The following KCNJ6 variants were observed in gnomAD, a reference collection of about 807,000 sequenced individuals.
KCNJ6 encodes the protein G protein-activated inward rectifier potassium channel 2.
Under a neutral mutation model 34.2 loss-of-function variants are expected in KCNJ6, and 9 were observed. The observed-to-expected ratio is 0.26, with a 90% CI of 0.16 to 0.46. The LOEUF is 0.46. KCNJ6 is among the 20% of genes least tolerant of loss of function. The pLI is 1.00. For missense variants in KCNJ6, 236 were observed against 531.3 expected, an observed-to-expected ratio of 0.44 and a Z score of 5.46; for synonymous variants, 196 against 207.1, an observed-to-expected ratio of 0.95 and a Z score of 0.46.
rs144725202 is a variant in KCNJ6, at chr21:37,677,133, C to T, written c.946+37078G>A. On this transcript the variant is annotated intron_variant, in intron 3 of 3. Coordinates refer to ENST00000609713, the MANE Select transcript of KCNJ6 (RefSeq NM_002240.5). ...GATGCTGGCAGTGCCCACCACTCTG[C>T]TGGCCTTGGACTGCAGGACTGGTCC... Among the ~76,000 whole-genome samples the T allele has an allele frequency of 8.1e-4, 124 of 152,366 alleles. 2 individuals carry two copies. Among genetic ancestry groups the T allele is most frequent in the East Asian group, 1.2e-3 (6 of 5,186 alleles).
At chr21:37,766,530 T>G (rs1295317608) in intron 2 of KCNJ6, among the ~76,000 whole-genome samples, 2 of 152,122 alleles carry the variant, frequency 1.3e-5, no homozygotes, top group African/African-American at 2.4e-5. Flanking sequence ...TAAATTTGGA[T>G]AGCAGGAATG....
intron 1 of KCNJ6, among the ~76,000 whole-genome samples, chr21:37,882,748 C>T (rs922774746): frequency 6.6e-6 from 1 of 152,226 alleles, no homozygotes; most frequent in African/African-American, 2.4e-5. Flanking sequence ...CCTATTGCTA[C>T]TAAATCGACT....
chr21:37,840,071 T>G (rs2055472565), intron 2 of KCNJ6, among the ~76,000 whole-genome samples: 1 of 152,228 alleles, frequency 6.6e-6, no homozygotes, highest in African/African-American at 2.4e-5. Flanking sequence ...AGTGCTGGGA[T>G]TACAGGCATG....
chr21:37,830,292 A>C (rs1316860082), intron 2 of KCNJ6, among the ~76,000 whole-genome samples: 1 of 152,082 alleles, frequency 6.6e-6, no homozygotes, highest in Non-Finnish European at 1.5e-5. Flanking sequence ...TAGCCTGGAG[A>C]CCACAGGCCT....
At chr21:37,752,164 G>T (rs1405380562) in intron 2 of KCNJ6, among the ~76,000 whole-genome samples, 1 of 152,176 alleles carries the variant, frequency 6.6e-6, no homozygotes, top group East Asian at 1.9e-4. Flanking sequence ...AGCACTGTAG[G>T]TCAAGGCGGG....
intron 1 of KCNJ6, among the ~76,000 whole-genome samples, chr21:37,842,246 C>A (rs1239290358): frequency 6.6e-6 from 1 of 152,196 alleles, no homozygotes; most frequent in African/African-American, 2.4e-5. Context: ...CCTCTGCCAT[C>A]GACATTTTCG....
chr21:37,761,590 TTG>T (rs996271274), intron 2 of KCNJ6, among the ~76,000 whole-genome samples: 9 of 150,210 alleles, frequency 6.0e-5, no homozygotes, highest in East Asian at 1.9e-4. Context: ...GTGTGTATAT[TTG>T]TGTGTGTTGT....
chr21:37,757,886 T>C (rs538997725), intron 2 of KCNJ6, among the ~76,000 whole-genome samples: 8 of 152,372 alleles, frequency 5.3e-5, no homozygotes, highest in African/African-American at 1.9e-4. Flanking sequence ...CCTTAGCAAA[T>C]GATTCCTAAT....
At chr21:37,751,656 G>A (rs997397422) in intron 2 of KCNJ6, among the ~76,000 whole-genome samples, 3 of 152,188 alleles carry the variant, frequency 2.0e-5, no homozygotes, top group African/African-American at 7.2e-5. Flanking sequence ...TGGTATCACA[G>A]GAGGGTCCTG....
At chr21:37,904,700 T>G (rs1368780917) in intron 1 of KCNJ6, among the ~76,000 whole-genome samples, 1 of 152,184 alleles carries the variant, frequency 6.6e-6, no homozygotes, top group African/African-American at 2.4e-5. Context: ...GAGTTTTACT[T>G]CATGGGCAGA....
In KCNJ6 at chr21:37,829,151, G is replaced by A. The variant is rs1405295661; in HGVS notation, c.25+11507C>T. 2.7e-5 allele frequency among the ~76,000 whole-genome samples: 4 copies of A among 145,612 alleles called. No homozygotes were observed. The East Asian group carries it at 9.1e-4, about 33-fold the overall frequency. ...GAAGTGGGAGTGGCGGGAGGTGGGGGATGGAGCCTGAACCAGGGGTGGAGG... is the reference window on the plus strand; with the variant it reads ...GAAGTGGGAGTGGCGGGAGGTGGGGAATGGAGCCTGAACCAGGGGTGGAGG... On this transcript the variant is annotated intron_variant, in intron 2 of 3. Coordinates refer to ENST00000609713, the MANE Select transcript of KCNJ6 (RefSeq NM_002240.5).
At chr21:37,730,213 G>A (rs1002122798) in intron 2 of KCNJ6, among the ~76,000 whole-genome samples, 4 of 152,198 alleles carry the variant, frequency 2.6e-5, no homozygotes, top group East Asian at 1.9e-4. Context: ...CAAGGGACCC[G>A]CAGCCTTAAG....
chr21:37,658,974 T>C (rs2054476296), intron 3 of KCNJ6, among the ~76,000 whole-genome samples: 1 of 152,248 alleles, frequency 6.6e-6, no homozygotes, highest in African/African-American at 2.4e-5. Flanking sequence ...TTGTTTTCAG[T>C]GTTTACATTA....
chr21:37,807,124 C>T (rs779649632), intron 2 of KCNJ6, among the ~76,000 whole-genome samples: 3 of 152,144 alleles, frequency 2.0e-5, no homozygotes, highest in Admixed American at 6.5e-5. Flanking sequence ...AGTTGCTAAC[C>T]TATTTGAGCA....
intron 2 of KCNJ6, among the ~76,000 whole-genome samples, chr21:37,735,789 C>T (rs1191789369): frequency 6.6e-6 from 1 of 152,198 alleles, no homozygotes; most frequent in East Asian, 1.9e-4. Flanking sequence ...GCTCCCACCT[C>T]TACGGCAGCT....
rs2054282387 is a variant in KCNJ6 at position 37,619,109 on chromosome 21, C to T, written c.*6050G>A. On this transcript the variant is annotated 3_prime_UTR_variant, in exon 4 of 4. Coordinates refer to ENST00000609713, the MANE Select transcript of KCNJ6 (RefSeq NM_002240.5). Reference sequence around the variant, plus strand: ...ATCTGTCGACAATATAACAACATCACAATGATTTGTTACATTGTTACTTTT... The same window carrying T: ...ATCTGTCGACAATATAACAACATCATAATGATTTGTTACATTGTTACTTTT... 1 of 152,184 alleles carries T rather than the reference C, an allele frequency of 6.6e-6. No individual in the cohort carries two copies. Among genetic ancestry groups the T allele is most frequent in the Admixed American group, 6.5e-5 (1 of 15,272 alleles). The allele number at this position is 152,184 out of a possible 1,614,324, so 9.4% of individuals were successfully genotyped here.
At chr21:37,644,871 G>C (rs910198422) in intron 3 of KCNJ6, among the ~76,000 whole-genome samples, 1 of 152,126 alleles carries the variant, frequency 6.6e-6, no homozygotes, top group South Asian at 2.1e-4. Context: ...AGGGAGACTG[G>C]CGAAACAATA....
At chr21:37,748,318 G>A (rs777201309) in intron 2 of KCNJ6, among the ~76,000 whole-genome samples, 1 of 152,212 alleles carries the variant, frequency 6.6e-6, no homozygotes, top group South Asian at 2.1e-4. Flanking sequence ...TTTTCTAAAA[G>A]AATATGTTAA....
chr21:37,709,814 G>A (rs2054741737), intron 3 of KCNJ6, among the ~76,000 whole-genome samples: 1 of 152,176 alleles, frequency 6.6e-6, no homozygotes, highest in Non-Finnish European at 1.5e-5. Context: ...TTCTCTGCCT[G>A]GGAATAACTA....
Sources: gnomAD v4.1 joint callset for allele counts (sites outside exome capture counted in the v4.1 genomes callset) on GRCh38, gnomAD v4.1.1 for gene constraint, MANE v1.5 for transcripts, NCBI Gene and HGNC (gene_info 2026-07-23, HGNC 2026-07-21) for gene names.